Variants in MTCL1 observed in about 807,000 individuals in gnomAD.
MTCL1 encodes microtubule cross-linking factor 1.
A neutral mutation model predicts 141.4 loss-of-function variants in MTCL1; 79 were observed. The ratio of observed to expected loss-of-function variants is 0.56; its 90% CI spans 0.47 to 0.67. The LOEUF is 0.67. Among genes scored for constraint, MTCL1 ranks in the 30% least tolerant of loss-of-function variants. MTCL1 has a pLI of 0.00. For missense variants in MTCL1, 2,177 were observed against 2,113.9 expected, an observed-to-expected ratio of 1.03 and a Z score of -0.59; for synonymous variants, 914 against 875.8, an observed-to-expected ratio of 1.04 and a Z score of -0.77.
chr18:8,815,238 G>A (rs7229425), intron 12 of MTCL1, among the ~76,000 whole-genome samples: 97,758 of 150,960 alleles, frequency 0.65, 32,018 homozygotes, highest in Non-Finnish European at 0.68. Context: ...TCCAACAATG[G>A]TAGACTGGAT....
Position 8,777,824 on chromosome 18 carries a change from C to G in MTCL1, c.358-9C>G. 7 of 1,613,644 alleles carry G rather than the reference C, an allele frequency of 4.3e-6. No individual in the cohort carries two copies. Among genetic ancestry groups the G allele is most frequent in the Non-Finnish European group, 5.9e-6 (7 of 1,179,854 alleles). Reference sequence around the variant, plus strand: ...CTTGGTCACAGAATGTCACTTGGATCTATTTCAGAGTTCCCTAAAAAGAAG... The same window carrying G: ...CTTGGTCACAGAATGTCACTTGGATGTATTTCAGAGTTCCCTAAAAAGAAG... On this transcript the variant is annotated splice_polypyrimidine_tract_variant and intron_variant, in intron 4 of 16. Coordinates refer to ENST00000359865, the Ensembl canonical transcript of MTCL1.
At chr18:8,757,971 T>C (rs1567986041) in intron 4 of MTCL1, among the ~76,000 whole-genome samples, 2 of 152,072 alleles carry the variant, frequency 1.3e-5, no homozygotes, top group Non-Finnish European at 2.9e-5. Context: ...AGCTGCTCCT[T>C]TGTGAAGTGT....
At chr18:8,744,886 C>CT in intron 4 of MTCL1, among the ~76,000 whole-genome samples, 1 of 152,346 alleles carries the variant, frequency 6.6e-6, no homozygotes, top group South Asian at 2.1e-4. Flanking sequence ...TTCCCTGGCT[C>CT]TGACGACTAG....
At chr18:8,788,227 G>T (rs923782060) in intron 7 of MTCL1, among the ~76,000 whole-genome samples, 2 of 152,170 alleles carry the variant, frequency 1.3e-5, no homozygotes, top group African/African-American at 4.8e-5. Flanking sequence ...GGAGCTGGAG[G>T]TCCTGCCGGC....
rs116710541 is a variant in MTCL1, at chr18:8,723,748, G to A, written c.357+3252G>A. On this transcript the variant is annotated intron_variant, in intron 4 of 16. Transcript: ENST00000359865. Reference sequence around the variant, plus strand: ...AGTCCTTTCAGTCCCCAAGGCCGATGATGGTGTTACCCTTAACCCTCTTCT... The same window carrying A: ...AGTCCTTTCAGTCCCCAAGGCCGATAATGGTGTTACCCTTAACCCTCTTCT... Among the ~76,000 whole-genome samples, 1,377 of 152,304 alleles carry A rather than the reference G, an allele frequency of 9.0e-3. 20 individuals are homozygous for A. The highest frequency in any genetic ancestry group is 0.032 in the African/African-American group (1,313 of 41,560).
chr18:8,829,259 G>A, intron 16 of MTCL1: 1 of 985,468 alleles, frequency 1.0e-6, no homozygotes, highest in Non-Finnish European at 1.2e-6. Context: ...AGAGAATTGA[G>A]TAGATACTGG....
chr18:8,778,676 A>G (rs958881952), intron 5 of MTCL1, among the ~76,000 whole-genome samples: 1 of 152,220 alleles, frequency 6.6e-6, no homozygotes, highest in Non-Finnish European at 1.5e-5. Context: ...AGGCCCCTGC[A>G]GCAGCAGAAA....
At chr18:8,742,475 G>A (rs1013019875) in intron 4 of MTCL1, among the ~76,000 whole-genome samples, 1 of 152,200 alleles carries the variant, frequency 6.6e-6, no homozygotes, top group African/African-American at 2.4e-5. Context: ...TCTTCACATG[G>A]TGGCAGGAAG....
intron 4 of MTCL1, among the ~76,000 whole-genome samples, chr18:8,747,822 G>C (rs2096348150): frequency 6.6e-6 from 1 of 152,158 alleles, no homozygotes; most frequent in Admixed American, 6.5e-5. Context: ...CGCATTTTCT[G>C]TTTTTTGTTA....
At chr18:8,741,768 A>G (rs1036435559) in intron 4 of MTCL1, among the ~76,000 whole-genome samples, 1 of 152,370 alleles carries the variant, frequency 6.6e-6, no homozygotes, top group Admixed American at 6.5e-5. Context: ...GTGGCCATCC[A>G]GGAACTCATC....
chr18:8,759,267 T>C (rs1310681519), intron 4 of MTCL1, among the ~76,000 whole-genome samples: 1 of 152,216 alleles, frequency 6.6e-6, no homozygotes, highest in East Asian at 1.9e-4. Context: ...TGCTTGTTCT[T>C]CTCAAAGCAG....
intron 4 of MTCL1, among the ~76,000 whole-genome samples, chr18:8,721,552 C>T (rs2096172785): frequency 6.6e-6 from 1 of 152,178 alleles, no homozygotes; most frequent in Non-Finnish European, 1.5e-5. Flanking sequence ...CATGCATGCC[C>T]TCGCTGGAAT....
chr18:8,806,713 G>A (rs566226968), intron 10 of MTCL1, among the ~76,000 whole-genome samples, 180 bp from the exon 10 acceptor site: 49 of 152,258 alleles, frequency 3.2e-4, no homozygotes, highest in African/African-American at 1.2e-3. Flanking sequence ...CCGATGGCCA[G>A]CAACAGGGAC....
chr18:8,816,157 G>C (rs1420780132), intron 12 of MTCL1, among the ~76,000 whole-genome samples: 1 of 152,188 alleles, frequency 6.6e-6, no homozygotes, highest in African/African-American at 2.4e-5. Flanking sequence ...TCATTTATCA[G>C]TTATTGGGTT....
exon 10 of MTCL1, chr18:8,798,234 G>A (rs762212292): frequency 6.3e-7 from 1 of 1,590,480 alleles, no homozygotes; most frequent in Admixed American, 1.8e-5. Context: ...CCCGGGTGCA[G>A]ATTGGAGATC....
At chr18:8,770,419 G>T (rs1236769602) in intron 4 of MTCL1, among the ~76,000 whole-genome samples, 1 of 152,190 alleles carries the variant, frequency 6.6e-6, no homozygotes, top group Non-Finnish European at 1.5e-5. Flanking sequence ...GTTGAGTTGG[G>T]TTCTGGTGAG....
intron 13 of MTCL1, among the ~76,000 whole-genome samples, chr18:8,820,698 C>A (rs1019687792): frequency 1.1e-4 from 16 of 152,178 alleles, no homozygotes; most frequent in Non-Finnish European, 1.9e-4. Context: ...GGGTCAGGAG[C>A]CTGTGCGTGG....
chr18:8,770,719 C>G (rs1317764721), intron 4 of MTCL1, among the ~76,000 whole-genome samples: 2 of 152,150 alleles, frequency 1.3e-5, no homozygotes, highest in Non-Finnish European at 2.9e-5. Flanking sequence ...GGGTGCCCAA[C>G]ACATATGGTA....
intron 4 of MTCL1, among the ~76,000 whole-genome samples, chr18:8,733,402 T>TTTTGTTTG (rs565173859): frequency 1.3e-5 from 2 of 152,070 alleles, no homozygotes; most frequent in African/African-American, 4.8e-5. Flanking sequence ...CGGCCTCATT[T>TTTTGTTTG]TTTGTTTGTT....
Sources: allele counts gnomAD v4.1 joint callset (sites outside exome capture counted in the v4.1 genomes callset), GRCh38; gene constraint gnomAD v4.1.1; transcripts MANE v1.5; gene names NCBI Gene and HGNC (gene_info 2026-07-23, HGNC 2026-07-21).